DNAH11: variants seen among roughly 807,000 people sequenced by gnomAD.
The protein encoded by DNAH11 is axonemal beta dynein heavy chain 11.
DNAH11 carries 442 observed loss-of-function variants against 526.0 expected under a neutral mutation model. The observed-to-expected ratio is 0.84, with a 90% CI of 0.78 to 0.91. DNAH11 has a LOEUF of 0.91. Ranked by LOEUF, DNAH11 falls within the 40% of genes least tolerant of loss-of-function variation. The pLI, the probability that DNAH11 is intolerant of heterozygous loss-of-function variation, is 0.00. For missense variants in DNAH11, 6,989 were observed against 5,448.7 expected (o/e 1.28, Z -8.90); for synonymous variants, 2,461 against 1,935.9 (o/e 1.27, Z -7.12).
chr7:21,729,312 T>C (rs1785271660), intron 45 of DNAH11, among the ~76,000 whole-genome samples: 2 of 152,210 alleles, frequency 1.3e-5, no homozygotes, highest in African/African-American at 4.8e-5. Context: ...CCCATCTCTA[T>C]CCCTGGCTTC....
chr7:21,866,335 A>AAT, intron 70 of DNAH11, 135 bp from the exon 71 acceptor site: 1 of 702,578 alleles, frequency 1.4e-6, no homozygotes. Context: ...AAAAAAAAAA[A>AAT]GGAAATCTGA....
chr7:21,764,740 C>T (rs1166283769), intron 54 of DNAH11, among the ~76,000 whole-genome samples: 1 of 152,102 alleles, frequency 6.6e-6, no homozygotes, highest in African/African-American at 2.4e-5. Context: ...TCCCTTGTGT[C>T]CCTAAAAAAA....
chr7:21,734,164 A>ATGACCT (rs1215967702), intron 45 of DNAH11, among the ~76,000 whole-genome samples: 2 of 152,208 alleles, frequency 1.3e-5, no homozygotes, highest in African/African-American at 4.8e-5. Context: ...ACTAGTAGCT[A>ATGACCT]TGACCTTGAC....
rs147698257 is a variant in DNAH11, at chr7:21,870,692, T to C, written c.11967+1701T>C. 3.2e-3 allele frequency among the ~76,000 whole-genome samples: 483 copies of C among 152,344 alleles called. 4 individuals are homozygous for C. Among genetic ancestry groups the C allele is most frequent in the African/African-American group, 0.011 (465 of 41,572 alleles). On this transcript the variant is annotated intron_variant, in intron 73 of 81. Transcript: ENST00000409508. ...TTTTGTATCTGTGCTGAGCTATTTG[T>C]TGCCCCTAAAATTGCAAGTTGTAAA...
At chr7:21,767,754 G>A (rs1039038643) in intron 55 of DNAH11, among the ~76,000 whole-genome samples, 10 of 152,062 alleles carry the variant, frequency 6.6e-5, no homozygotes, top group Non-Finnish European at 1.2e-4. Flanking sequence ...AAAAACCTGT[G>A]GTGTCTTTTC....
intron 45 of DNAH11, among the ~76,000 whole-genome samples, chr7:21,734,002 T>C (rs1279433825): frequency 1.3e-5 from 2 of 152,132 alleles, no homozygotes; most frequent in Non-Finnish European, 2.9e-5. Flanking sequence ...CTGAGCAAAC[T>C]AACAAGAGTT....
chr7:21,565,475 C>A (rs4294086), intron 6 of DNAH11, among the ~76,000 whole-genome samples: 16,839 of 152,116 alleles, frequency 0.11, 1,625 homozygotes, highest in East Asian at 0.29. Context: ...TTTCCCTGAG[C>A]AGTTAGGAGG....
chr7:21,735,840 G>A lies in DNAH11; in HGVS notation c.7641G>A (p.Leu2547=), dbSNP rs1247351644. ...ACTACTACACGACATCCACAGCTCT[G>A]CAAAGTAAGTGCACCTGTTTATTTT... ...PFNYYTTSTA[L]QKILEKPLEK... The change falls in exon 46 of 82, where the codon CTG becomes CTA. Residue 2547 remains leucine (L), a synonymous_variant. Coordinates refer to ENST00000409508, the MANE Select transcript of DNAH11 (RefSeq NM_001277115.2). The A allele has an allele frequency of 5.6e-6, 9 of 1,599,250 alleles. No individual in the cohort carries two copies. Among genetic ancestry groups the A allele is most frequent in the Non-Finnish European group, 6.8e-6 (8 of 1,170,886 alleles).
Position 21,588,624 on chromosome 7 carries a change from C to T in DNAH11, c.1961C>T (p.Ser654Phe), listed in dbSNP as rs62441683. ...RLQMFWSNFA[S>F]LRYLFLGNPD... ...CAAATGTTTTGGTCAAACTTCGCATCTCTCCGTTATCTGTAAGTAGTTAAG... is the reference window on the plus strand; with the variant it reads ...CAAATGTTTTGGTCAAACTTCGCATTTCTCCGTTATCTGTAAGTAGTTAAG... Residue 654 changes from serine (S) to phenylalanine (F), a missense_variant, in exon 11 of 82, where the codon TCT (serine) becomes TTT (phenylalanine). Ser to Phe is a radical substitution (Grantham distance 155). Coordinates refer to ENST00000409508, the MANE Select transcript of DNAH11 (RefSeq NM_001277115.2). The T allele has an allele frequency of 1.9e-6, 3 of 1,612,832 alleles. No homozygotes were observed. The South Asian group carries it at 3.3e-5, about 18-fold the overall frequency.
intron 63 of DNAH11, among the ~76,000 whole-genome samples, chr7:21,815,282 T>C (rs1005516210): frequency 3.3e-5 from 5 of 152,200 alleles, no homozygotes; most frequent in African/African-American, 1.2e-4. Flanking sequence ...CTCTTGCAGA[T>C]AGAAGATTGC....
chr7:21,601,245 C>G lies in DNAH11; in HGVS notation c.3425+66C>G. ...ACTGCTTTCTAAAACTGAGATGTTA[C>G]TTTTAAGCGTATTAATGTTGCCAGT... is the stretch of plus-strand genomic sequence containing the variant. On this transcript the variant is annotated intron_variant, in intron 17 of 81. Coordinates refer to ENST00000409508, the MANE Select transcript of DNAH11 (RefSeq NM_001277115.2). 3 of 1,518,276 alleles carry G rather than the reference C, an allele frequency of 2.0e-6. No individual in the cohort carries two copies. In the East Asian group the frequency reaches 6.8e-5, roughly 34 times the overall value. The allele number at this position is 1,518,276 out of a possible 1,614,324, so 94.1% of individuals were successfully genotyped here. A position where few individuals can be genotyped will look rare whatever the true frequency, so the allele number is the denominator to read the frequency against.
intron 30 of DNAH11, among the ~76,000 whole-genome samples, chr7:21,674,561 C>T (rs1049488685): frequency 6.6e-6 from 1 of 152,122 alleles, no homozygotes; most frequent in African/African-American, 2.4e-5. Context: ...CAGGGTTTCG[C>T]CATGTTGACC....
chr7:21,619,871 T>C (rs1785956027), intron 24 of DNAH11, 85 bp from the exon 25 acceptor site: 9 of 1,368,120 alleles, frequency 6.6e-6, no homozygotes, highest in Non-Finnish European at 9.0e-6. Context: ...TTTTTGAAAG[T>C]TGAAAAAAAT....
intron 20 of DNAH11, among the ~76,000 whole-genome samples, chr7:21,611,157 AAGGCAAAGGAG>A (rs1785508648): frequency 6.6e-6 from 1 of 152,110 alleles, no homozygotes; most frequent in South Asian, 2.1e-4. Flanking sequence ...ATAGAAGAAA[AAGGCAAAGGAG>A]AGGCAAATTT....
intron 7 of DNAH11, among the ~76,000 whole-genome samples, 158 bp from the exon 8 acceptor site, chr7:21,571,648 A>C (rs1783894957): frequency 6.6e-6 from 1 of 152,156 alleles, no homozygotes; most frequent in Admixed American, 6.5e-5. Context: ...GACTTTGTTT[A>C]ATTAAATACT....
At chr7:21,701,763 T>A (rs908584518) in intron 36 of DNAH11, among the ~76,000 whole-genome samples, 10 of 152,236 alleles carry the variant, frequency 6.6e-5, no homozygotes, top group African/African-American at 2.4e-4. Context: ...TGTACTCATA[T>A]TAATTCACTT....
chr7:21,685,268 G>A lies in DNAH11; in HGVS notation c.5621+1324G>A, dbSNP rs144607563. Reference sequence around the variant, plus strand: ...AAACTGCAAATGTGAAGAGTCTACCGTACGCATGCCATTGTCAATAGAGAA... The same window carrying A: ...AAACTGCAAATGTGAAGAGTCTACCATACGCATGCCATTGTCAATAGAGAA... On this transcript the variant is annotated intron_variant, in intron 32 of 81. Coordinates refer to ENST00000409508, the MANE Select transcript of DNAH11 (RefSeq NM_001277115.2). Among the ~76,000 whole-genome samples the A allele has an allele frequency of 2.2e-4, 34 of 152,268 alleles. No individual in the cohort carries two copies. In the East Asian group the frequency reaches 6.0e-3, roughly 27 times the overall value.
chr7:21,762,727 T>A (rs1245733009), intron 54 of DNAH11, among the ~76,000 whole-genome samples: 1 of 152,220 alleles, frequency 6.6e-6, no homozygotes, highest in Non-Finnish European at 1.5e-5. Flanking sequence ...AAATTGGACC[T>A]TGTCTTACAA....
intron 58 of DNAH11, among the ~76,000 whole-genome samples, chr7:21,785,156 C>A (rs1418704072): frequency 6.6e-6 from 1 of 152,176 alleles, no homozygotes; most frequent in Non-Finnish European, 1.5e-5. Context: ...TTCTGCCAGA[C>A]CTCTGGGGAG....
Sources: allele counts gnomAD v4.1 joint callset (sites outside exome capture counted in the v4.1 genomes callset), GRCh38; gene constraint gnomAD v4.1.1; transcripts MANE v1.5; gene names NCBI Gene and HGNC (gene_info 2026-07-23, HGNC 2026-07-21).